The following TRERF1 variants were observed in gnomAD, a reference collection of about 807,000 sequenced individuals.
The protein encoded by TRERF1 is transcriptional-regulating factor 1.
TRERF1 carries 27 observed loss-of-function variants against 122.9 expected under a neutral mutation model. That is an observed-to-expected ratio of 0.22 (90% CI 0.16 to 0.30). The LOEUF (loss-of-function observed/expected upper bound fraction) is 0.30, where lower values mean the gene tolerates loss of function less well. Ranked by LOEUF, TRERF1 falls within the 10% of genes least tolerant of loss-of-function variation. The pLI, the probability that TRERF1 is intolerant of heterozygous loss-of-function variation, is 1.00. For missense variants in TRERF1, 1,248 were observed against 1,560.3 expected, an observed-to-expected ratio of 0.80 and a Z score of 3.37; for synonymous variants, 636 against 641.7, an observed-to-expected ratio of 0.99 and a Z score of 0.13.
chr6:42,446,627 A>G (rs1466593487), intron 2 of TRERF1, among the ~76,000 whole-genome samples: 1 of 152,212 alleles, frequency 6.6e-6, no homozygotes, highest in Non-Finnish European at 1.5e-5. Flanking sequence ...GCTTTAACAC[A>G]GTGCCTGGCA....
In TRERF1 at chr6:42,259,851, A is replaced by C; in HGVS notation, c.1885-128T>G. 7.7e-7 allele frequency: 1 copy of C among 1,293,406 alleles called. No individual in the cohort carries two copies. Among genetic ancestry groups the C allele is most frequent in the Non-Finnish European group, 1.1e-6 (1 of 951,060 alleles). 80.1% of individuals were successfully genotyped at this position (1,293,406 alleles called of 1,614,324 possible). On this transcript the variant is annotated intron_variant, in intron 8 of 17. Coordinates refer to ENST00000372922, the Ensembl canonical transcript of TRERF1. This position sits in a 1 kb window ranked among gnomAD's most constrained non-coding sequence, Gnocchi z 4.9. The stretch of plus-strand genomic sequence containing the variant: ...CTTCTGCTTGACCCCCCCACCCCCA[A>C]CGCCCCCACATTCTGACCACATCCA...
intron 2 of TRERF1, among the ~76,000 whole-genome samples, chr6:42,430,131 CTGTA>C (rs1267321832): frequency 3.9e-5 from 6 of 151,940 alleles, no homozygotes; most frequent in Admixed American, 3.9e-4. Context: ...CTAAGGACTA[CTGTA>C]TGGACTCTGG....
At chr6:42,327,713 G>A (rs558293241) in intron 3 of TRERF1, among the ~76,000 whole-genome samples, 5 of 152,280 alleles carry the variant, frequency 3.3e-5, no homozygotes, top group African/African-American at 1.2e-4. Context: ...GGTTGTAACT[G>A]CTAAGAAAAC....
Position 42,251,216 on chromosome 6 carries a change from G to C in TRERF1, c.2656+3635C>G, listed in dbSNP as rs62416671. 1.5e-3 allele frequency among the ~76,000 whole-genome samples: 223 copies of C among 151,922 alleles called. 7 individuals are homozygous for C. In the East Asian group the frequency reaches 0.038, roughly 26 times the overall value. On this transcript the variant is annotated intron_variant, in intron 13 of 17. Transcript: ENST00000372922. Reference sequence around the variant, plus strand: ...TCACCATGTTTTCCAGGCTGGTGTCGAACTCCTGAGCTTAAGCGATCTGCC... The same window carrying C: ...TCACCATGTTTTCCAGGCTGGTGTCCAACTCCTGAGCTTAAGCGATCTGCC...
intron 8 of TRERF1, among the ~76,000 whole-genome samples, chr6:42,261,107 G>C (rs1189786984): frequency 6.6e-6 from 1 of 150,496 alleles, no homozygotes; most frequent in African/African-American, 2.4e-5. Context: ...TTCTCCACCA[G>C]AGGGCTCCTC....
intron 3 of TRERF1, among the ~76,000 whole-genome samples, chr6:42,332,331 A>T (rs1562005876): frequency 6.6e-6 from 1 of 152,388 alleles, no homozygotes; most frequent in East Asian, 1.9e-4. Context: ...GGCCAAGCCC[A>T]AGAACGCGGT....
At chr6:42,320,594 CT>C (rs199830202) in intron 3 of TRERF1, among the ~76,000 whole-genome samples, 3,576 of 151,492 alleles carry the variant, frequency 0.024, 74 homozygotes, top group African/African-American at 0.047. Context: ...CTACCTCCTC[CT>C]CCTCCCAGGT....
intron 6 of TRERF1, among the ~76,000 whole-genome samples, chr6:42,265,175 A>C (rs993967590): frequency 3.3e-5 from 5 of 152,196 alleles, no homozygotes; most frequent in African/African-American, 1.2e-4. Context: ...GGTCAGCCTG[A>C]GCCCAGCTCC....
chr6:42,404,902 G>T (rs1334794270), intron 2 of TRERF1, among the ~76,000 whole-genome samples: 2 of 152,092 alleles, frequency 1.3e-5, no homozygotes, highest in East Asian at 3.8e-4. Flanking sequence ...GGTGGGACAG[G>T]GAGATTGAAG....
intron 2 of TRERF1, among the ~76,000 whole-genome samples, chr6:42,436,302 G>T (rs1471974584): frequency 6.6e-6 from 1 of 151,960 alleles, no homozygotes; most frequent in African/African-American, 2.4e-5. Flanking sequence ...CCAGGAGGCG[G>T]AGTTTGTAGT....
At chr6:42,388,728 C>T (rs541934931) in intron 2 of TRERF1, among the ~76,000 whole-genome samples, 2 of 152,300 alleles carry the variant, frequency 1.3e-5, no homozygotes, top group South Asian at 2.1e-4. Context: ...GAGAGGCAAT[C>T]GGCTTGGTTT....
rs1215397369 is a variant in TRERF1 at position 42,344,903 on chromosome 6, G to T, written c.-371+18094C>A. Among the ~76,000 whole-genome samples, 6 of 152,140 alleles carry T rather than the reference G, an allele frequency of 3.9e-5. 1 individual carries two copies. Among genetic ancestry groups the T allele is most frequent in the Non-Finnish European group, 8.8e-5 (6 of 68,038 alleles). The stretch of plus-strand genomic sequence containing the variant: ...CATGTCTAGCCCAACTAGATTACAG[G>T]TTCCATGAGGGCAGGGAATCTTCTC... On this transcript the variant is annotated intron_variant, in intron 3 of 17. Transcript: ENST00000372922.
At chr6:42,442,224 T>C (rs1009262014) in intron 2 of TRERF1, among the ~76,000 whole-genome samples, 1 of 152,064 alleles carries the variant, frequency 6.6e-6, no homozygotes, top group Non-Finnish European at 1.5e-5. Flanking sequence ...GACACTCCTA[T>C]TAAAACTCCT....
intron 2 of TRERF1, among the ~76,000 whole-genome samples, chr6:42,390,039 A>C (rs1777455538): frequency 6.6e-6 from 1 of 152,164 alleles, no homozygotes; most frequent in Non-Finnish European, 1.5e-5. Context: ...ACAATCCTGG[A>C]AACTAATTAT....
At chr6:42,358,086 TG>T in intron 3 of TRERF1, among the ~76,000 whole-genome samples, 1 of 151,318 alleles carries the variant, frequency 6.6e-6, no homozygotes, top group East Asian at 1.9e-4. Context: ...TGTGGGGGGT[TG>T]GGGGTGGGGT....
intron 8 of TRERF1, among the ~76,000 whole-genome samples, chr6:42,262,468 A>AG (rs1561853958): frequency 6.8e-4 from 2 of 2,950 alleles, no homozygotes; most frequent in East Asian, 3.7e-3. Flanking sequence ...GAGAGAGAGG[A>AG]GAGAGAGAGA....
Position 42,268,527 on chromosome 6 carries a change from G to C in TRERF1, c.1064C>G (p.Pro355Arg), listed in dbSNP as rs755249872. 3.7e-6 allele frequency: 6 copies of C among 1,614,046 alleles called. No individual in the cohort carries two copies. The South Asian group carries it at 5.5e-5, about 15-fold the overall frequency. The change falls in exon 5 of 18, where the codon CCT (proline) becomes CGT (arginine). Residue 355 changes from proline (P) to arginine (R), a missense_variant. Physicochemically the swap from Pro to Arg is moderately radical, Grantham distance 103. Around this residue, in one of 5 missense-constraint regions of TRERF1, gnomAD observed 946 missense variants for 1,073.0 expected, o/e 0.88. Coordinates refer to ENST00000372922, the Ensembl canonical transcript of TRERF1. The surrounding 1 kb of genome is among the most constrained non-coding windows in gnomAD (Gnocchi z 4.4). ...TGCCTGCTCTGGGGTATACTGGTGA[G>C]GGTCCCTGTGATAAGAAGGAGGCTG...
At chr6:42,317,976 A>G (rs1322228846) in intron 3 of TRERF1, among the ~76,000 whole-genome samples, 1 of 152,064 alleles carries the variant, frequency 6.6e-6, no homozygotes, top group Non-Finnish European at 1.5e-5. Context: ...CAACATGGCA[A>G]AACCCCGTCT....
At chr6:42,301,714 C>T (rs538656780) in intron 3 of TRERF1, among the ~76,000 whole-genome samples, 1 of 152,326 alleles carries the variant, frequency 6.6e-6, no homozygotes, top group South Asian at 2.1e-4. Flanking sequence ...AGCACCGACT[C>T]AATTTCTGAA....
Sources: gnomAD v4.1 joint callset for allele counts (sites outside exome capture counted in the v4.1 genomes callset) on GRCh38, gnomAD v4.1.1 for gene constraint, gnomAD v4.1.1 regional missense constraint, Gnocchi (gnomAD v3.1) non-coding constraint, MANE v1.5 for transcripts, NCBI Gene and HGNC (gene_info 2026-07-23, HGNC 2026-07-21) for gene names.